Variants in SAP130 observed in about 807,000 individuals in gnomAD.
The protein encoded by SAP130 is Sin3A associated protein 130, also known as histone deacetylase complex subunit SAP130.
Under a neutral mutation model 103.2 loss-of-function variants are expected in SAP130, and 16 were observed. The observed-to-expected ratio is 0.16, with a 90% CI of 0.10 to 0.24. SAP130 has a LOEUF of 0.24. Ranked by LOEUF, SAP130 falls within the 10% of genes least tolerant of loss-of-function variation. The pLI is 1.00. For missense variants in SAP130, 990 were observed against 1,359.7 expected (o/e 0.73, Z 4.28); for synonymous variants, 477 against 497.0 (o/e 0.96, Z 0.53).
intron 19 of SAP130, among the ~76,000 whole-genome samples, chr2:127,943,472 T>C (rs916712066): frequency 6.6e-6 from 1 of 152,222 alleles, no homozygotes; most frequent in African/African-American, 2.4e-5. Flanking sequence ...CATCACAGAA[T>C]GTACTTACAC....
chr2:127,948,544 G>A lies in SAP130; in HGVS notation c.2797+1325C>T, dbSNP rs570660722. Among the ~76,000 whole-genome samples the A allele has an allele frequency of 1.3e-4, 20 of 151,900 alleles. 1 individual carries two copies. The highest frequency in any genetic ancestry group is 1.1e-3 in the Admixed American group (17 of 15,268). On this transcript the variant is annotated intron_variant, in intron 18 of 20. Coordinates refer to ENST00000643581, the MANE Select transcript of SAP130 (RefSeq NM_001330301.2). ...TTTAGTAGAGACAGGGTTTTACCAT[G>A]TTGGCCAGGCTGATTTTGAACTCCT...
chr2:127,945,063 G>A (rs556018361), intron 19 of SAP130, among the ~76,000 whole-genome samples: 2 of 152,284 alleles, frequency 1.3e-5, no homozygotes, highest in East Asian at 3.9e-4. Context: ...AGCAGGAATT[G>A]TGTGCCTGGT....
chr2:127,953,901 T>C lies in SAP130; in HGVS notation c.2422+1085A>G, dbSNP rs142562948. Among the ~76,000 whole-genome samples the C allele has an allele frequency of 1.2e-3, 180 of 152,332 alleles. No individual in the cohort carries two copies. The highest frequency in any genetic ancestry group is 2.0e-3 in the Non-Finnish European group (138 of 68,030). ...ATATATACATACATACATACATATATAATTTAGTCATCTTTTTGCTTTTGT... is the reference window on the plus strand; with the variant it reads ...ATATATACATACATACATACATATACAATTTAGTCATCTTTTTGCTTTTGT... On this transcript the variant is annotated intron_variant, in intron 16 of 20. Coordinates refer to ENST00000643581, the MANE Select transcript of SAP130 (RefSeq NM_001330301.2). This position sits in a 1 kb window ranked among gnomAD's most constrained non-coding sequence, Gnocchi z 4.0.
chr2:127,998,967 C>T (rs1683359730), intron 10 of SAP130, among the ~76,000 whole-genome samples: 1 of 152,216 alleles, frequency 6.6e-6, no homozygotes, highest in Admixed American at 6.5e-5. Context: ...CAATTTACTA[C>T]CTTTTCAACA....
intron 7 of SAP130, among the ~76,000 whole-genome samples, chr2:128,008,969 G>A (rs894919548): frequency 6.6e-6 from 1 of 152,076 alleles, no homozygotes. Flanking sequence ...ACATGCATGA[G>A]CCATTATATC....
At chr2:127,943,046 A>G (rs1322352160) in intron 19 of SAP130, among the ~76,000 whole-genome samples, 1 of 152,198 alleles carries the variant, frequency 6.6e-6, no homozygotes, top group Non-Finnish European at 1.5e-5. Context: ...ACTGATCAAC[A>G]AAGATTTACA....
rs1160143475 is a variant in SAP130 at position 127,951,579 on chromosome 2, C to T, written c.2423-1171G>A. Among the ~76,000 whole-genome samples, 7 of 152,190 alleles carry T rather than the reference C, an allele frequency of 4.6e-5. No homozygotes were observed. In the East Asian group the frequency reaches 1.2e-3, roughly 25 times the overall value. Reference sequence around the variant, plus strand: ...GTCACTCATCCCTCTCATGTCTATCCTCCCCCATCGCTAGGTCTGAACCCT... The same window carrying T: ...GTCACTCATCCCTCTCATGTCTATCTTCCCCCATCGCTAGGTCTGAACCCT... On this transcript the variant is annotated intron_variant, in intron 16 of 20. Coordinates refer to ENST00000643581, the MANE Select transcript of SAP130 (RefSeq NM_001330301.2).
chr2:127,979,646 A>G (rs1329064113), intron 14 of SAP130, among the ~76,000 whole-genome samples: 5 of 152,196 alleles, frequency 3.3e-5, no homozygotes, highest in Admixed American at 3.3e-4. Context: ...AACCTGAACA[A>G]TGACTGGCTA....
chr2:128,017,158 C>T (rs549176640), intron 3 of SAP130, among the ~76,000 whole-genome samples: 2 of 152,254 alleles, frequency 1.3e-5, no homozygotes, highest in East Asian at 1.9e-4. Flanking sequence ...GCCATCTCTA[C>T]TAAAAATACA....
intron 15 of SAP130, among the ~76,000 whole-genome samples, chr2:127,964,539 T>C (rs1312069579): frequency 8.0e-6 from 1 of 124,650 alleles, no homozygotes; most frequent in South Asian, 2.6e-4. Context: ...AAAGCCACAA[T>C]GAAAGCATTA....
In SAP130 at chr2:127,945,686, T is replaced by G. The variant is rs939980209; in HGVS notation, c.2798-127A>C. Reference sequence around the variant, plus strand: ...TTTTTTTTTTGAGACAGTGTCTGGCTCTGTCACCCAGGCTGAAGTGCAGTG... The same window carrying G: ...TTTTTTTTTTGAGACAGTGTCTGGCGCTGTCACCCAGGCTGAAGTGCAGTG... On this transcript the variant is annotated intron_variant, in intron 18 of 20. Coordinates refer to ENST00000643581, the MANE Select transcript of SAP130 (RefSeq NM_001330301.2). 66 of 629,900 alleles carry G rather than the reference T, an allele frequency of 1.0e-4. No homozygotes were observed. The African/African-American group carries it at 1.1e-3, about 11-fold the overall frequency. The allele number at this position is 629,900 out of a possible 1,614,324, so 39.0% of individuals were successfully genotyped here. A position where few individuals can be genotyped will look rare whatever the true frequency, so the allele number is the denominator to read the frequency against.
intron 7 of SAP130, among the ~76,000 whole-genome samples, chr2:128,003,464 G>A (rs1200040026): frequency 3.4e-5 from 5 of 147,808 alleles, no homozygotes; most frequent in Non-Finnish European, 6.0e-5. Context: ...CTGTGACTGC[G>A]CCACTGCAAC....
At chr2:128,027,643 C>CCGCG (rs1685621973) in intron 1 of SAP130, among the ~76,000 whole-genome samples, 1 of 147,954 alleles carries the variant, frequency 6.8e-6, no homozygotes, top group Admixed American at 6.7e-5. Flanking sequence ...GCCCGCCCGC[C>CCGCG]CGCGCTCCCC....
At chr2:128,007,068 TCAACA>T (rs1684032745) in intron 7 of SAP130, among the ~76,000 whole-genome samples, 1 of 152,130 alleles carries the variant, frequency 6.6e-6, no homozygotes, top group Non-Finnish European at 1.5e-5. Context: ...ATTAAAACAA[TCAACA>T]CAATGGAAAA....
intron 10 of SAP130, among the ~76,000 whole-genome samples, chr2:127,999,083 T>C (rs573239377): frequency 2.0e-4 from 30 of 152,198 alleles, no homozygotes; most frequent in Non-Finnish European, 2.1e-4. Flanking sequence ...TGGCAAGTCA[T>C]GGTGAGCAGT....
intron 19 of SAP130, among the ~76,000 whole-genome samples, chr2:127,944,173 G>T (rs78066848): frequency 6.6e-6 from 1 of 151,796 alleles, no homozygotes; most frequent in African/African-American, 2.4e-5. Flanking sequence ...CTGGGACTAG[G>T]GGGTGTGCAC....
chr2:128,014,503 A>G (rs952084803), intron 5 of SAP130, among the ~76,000 whole-genome samples: 2 of 152,034 alleles, frequency 1.3e-5, no homozygotes, highest in African/African-American at 4.8e-5. Flanking sequence ...CACCTGGCTA[A>G]TTTTTTGTAT....
rs570686209 is a variant in SAP130, at chr2:127,942,572, G to A, written c.2902-35C>T. On this transcript the variant is annotated intron_variant, in intron 19 of 20. Transcript: ENST00000643581. The surrounding 1 kb of genome is among the most constrained non-coding windows in gnomAD (Gnocchi z 4.8). Reference sequence around the variant, plus strand: ...ACAAAAGGGAGGGTATCATAAGCTCGGAAATATTTTTCTATGTCAACCCCA... The same window carrying A: ...ACAAAAGGGAGGGTATCATAAGCTCAGAAATATTTTTCTATGTCAACCCCA... The A allele has an allele frequency of 8.3e-6, 11 of 1,319,116 alleles. No homozygotes were observed. Among genetic ancestry groups the A allele is most frequent in the East Asian group, 2.3e-5 (1 of 43,462 alleles). The allele number at this position is 1,319,116 out of a possible 1,614,324, so 81.7% of individuals were successfully genotyped here.
intron 14 of SAP130, among the ~76,000 whole-genome samples, chr2:127,981,394 A>C (rs1681888363): frequency 5.6e-5 from 1 of 17,980 alleles, no homozygotes. Flanking sequence ...GTCCTCCTGC[A>C]CCCCCGACTC....
Sources: gnomAD v4.1 joint callset for allele counts (sites outside exome capture counted in the v4.1 genomes callset) on GRCh38, gnomAD v4.1.1 for gene constraint, Gnocchi (gnomAD v3.1) non-coding constraint, MANE v1.5 for transcripts, NCBI Gene and HGNC (gene_info 2026-07-23, HGNC 2026-07-21) for gene names.